The following ITGAE variants were observed in gnomAD, a reference collection of about 807,000 sequenced individuals.
ITGAE encodes integrin subunit alpha E.
ITGAE carries 99 observed loss-of-function variants against 136.5 expected under a neutral mutation model. The observed-to-expected ratio is 0.73, with a 90% CI of 0.62 to 0.86. ITGAE has a LOEUF of 0.86. Among genes scored for constraint, ITGAE ranks in the 40% least tolerant of loss-of-function variants. The pLI, the probability that ITGAE is intolerant of heterozygous loss-of-function variation, is 0.00. For missense variants in ITGAE, 1,447 were observed against 1,515.3 expected, an observed-to-expected ratio of 0.95 and a Z score of 0.75; for synonymous variants, 613 against 591.8, an observed-to-expected ratio of 1.04 and a Z score of -0.52.
At chr17:3,751,562 G>C in intron 15 of ITGAE, 88 bp downstream of exon 15, 1 of 1,241,908 alleles carries the variant, frequency 8.1e-7, no homozygotes, top group Middle Eastern at 2.6e-4. Context: ...CCAGCACTTA[G>C]GACTGAAGCC....
intron 1 of ITGAE, among the ~76,000 whole-genome samples, chr17:3,791,586 C>T (rs754336767): frequency 3.3e-5 from 5 of 152,120 alleles, no homozygotes; most frequent in Non-Finnish European, 7.4e-5. Flanking sequence ...CCCGGCCCTT[C>T]ATGTTCTTTA....
Position 3,757,779 on chromosome 17 carries a change from A to C in ITGAE, c.947T>G (p.Phe316Cys), listed in dbSNP as rs746512552. 4.3e-6 allele frequency: 7 copies of C among 1,614,100 alleles called. No individual in the cohort carries two copies. In the South Asian group the frequency reaches 6.6e-5, roughly 15 times the overall value. Residue 316 changes from phenylalanine to cysteine, a missense_variant, in exon 9 of 31, where the codon TTC becomes TGC. Physicochemically the swap from Phe to Cys is radical, Grantham distance 205 (BLOSUM62 -2). Around this residue, in one of 3 missense-constraint regions of ITGAE, gnomAD observed 310 missense variants for 416.1 expected, o/e 0.74. Coordinates refer to ENST00000263087, the MANE Select transcript of ITGAE (RefSeq NM_002208.5). ...VMVVLTDGGI[F>C]EDPLNLTTVI... Reference sequence around the variant, plus strand: ...TGTCGTAAGGTTGAGGGGGTCCTCGAATATGCCACCATCGGTGAGCACCAC... The same window carrying C: ...TGTCGTAAGGTTGAGGGGGTCCTCGCATATGCCACCATCGGTGAGCACCAC...
In ITGAE at chr17:3,723,730, G is replaced by T; in HGVS notation, c.3099C>A (p.Cys1033Ter). The change falls in exon 27 of 31, where the codon TGC (cysteine) becomes TGA (stop). Residue 1033 changes from cysteine to a stop codon, truncating the protein, a stop_gained. Coordinates refer to ENST00000263087, the MANE Select transcript of ITGAE (RefSeq NM_002208.5). LOFTEE classifies it high-confidence loss of function. ...KLTRTQASTV[C>*]TWSQERACAY... ...CACAAGCGCGCTCCTGACTCCAGGT[G>T]CACACCGTGGAGGCCTGAAACGAGA... is the stretch of plus-strand genomic sequence containing the variant. 1 of 1,606,574 alleles carries T rather than the reference G, an allele frequency of 6.2e-7. No individual in the cohort carries two copies. Among genetic ancestry groups the T allele is most frequent in the Non-Finnish European group, 8.5e-7 (1 of 1,176,670 alleles).
chr17:3,723,664 GC>G, intron 27 of ITGAE, 23 bp downstream of exon 27: 2 of 1,567,664 alleles, frequency 1.3e-6, no homozygotes, highest in South Asian at 2.3e-5. Context: ...CCCTCCCCTG[GC>G]CTCTCGGGAC....
At chr17:3,717,958 G>C (rs1001220369) in intron 29 of ITGAE, 2 of 152,190 alleles carry the variant, frequency 1.3e-5, no homozygotes, top group African/African-American at 2.4e-5. Context: ...GGCCAGATGT[G>C]AGTAGAAGAA....
At chr17:3,777,095 G>A (rs1223679044) in intron 2 of ITGAE, among the ~76,000 whole-genome samples, 1 of 151,924 alleles carries the variant, frequency 6.6e-6, no homozygotes, top group Non-Finnish European at 1.5e-5. Context: ...TGAGTAGCTG[G>A]GACTACAGGC....
chr17:3,800,170 C>T (rs1007096407), intron 1 of ITGAE, among the ~76,000 whole-genome samples: 7 of 152,288 alleles, frequency 4.6e-5, no homozygotes, highest in African/African-American at 7.2e-5. Flanking sequence ...TGTCCAAAAA[C>T]GTGTTCCTTG....
At position 3,720,322 on chromosome 17, in the gene ITGAE, C is replaced by A; in HGVS notation, c.3318G>T (p.Glu1106Asp). 6.4e-7 allele frequency: 1 copy of A among 1,566,908 alleles called. No individual in the cohort carries two copies. The highest frequency in any genetic ancestry group is 8.8e-7 in the Non-Finnish European group (1 of 1,137,076). Reference protein sequence around the residue: ...NKSLYEGLNAENHRTKITVVF... With the variant: ...NKSLYEGLNADNHRTKITVVF... The stretch of plus-strand genomic sequence containing the variant: ...CAGGAATTACCTTAGTTCTGTGGTT[C>A]TCTGCATTCAGTCCCTCATATAGAG... The change falls in exon 29 of 31, where the codon GAG becomes GAT. Residue 1106 changes from glutamate to aspartate, a missense_variant. By Grantham distance (45) the Glu-to-Asp change is conservative. Coordinates refer to ENST00000263087, the MANE Select transcript of ITGAE (RefSeq NM_002208.5).
At chr17:3,793,023 G>C (rs767288077) in intron 1 of ITGAE, among the ~76,000 whole-genome samples, 4 of 152,032 alleles carry the variant, frequency 2.6e-5, no homozygotes, top group Non-Finnish European at 4.4e-5. Flanking sequence ...TTCTTGTTTG[G>C]GGGTAATGGA....
intron 2 of ITGAE, among the ~76,000 whole-genome samples, chr17:3,776,304 C>T (rs1284359479): frequency 4.6e-5 from 7 of 151,720 alleles, no homozygotes; most frequent in African/African-American, 1.2e-4. Flanking sequence ...ATGATCCGCC[C>T]GCCTCGGCCT....
rs377316837 is a variant in ITGAE, at chr17:3,777,500, C to A, written c.155+40G>T. ...GGCCCATCTCAGATTGCCTGGAAGC[C>A]CCTCAGTCTGAAGGCCTCTTGCCCA... On this transcript the variant is annotated intron_variant, in intron 2 of 30. Transcript: ENST00000263087. The A allele has an allele frequency of 1.5e-5, 23 of 1,567,126 alleles. No individual in the cohort carries two copies. In the African/African-American group the frequency reaches 2.7e-4, roughly 19 times the overall value.
At position 3,723,520 on chromosome 17, in the gene ITGAE, G is replaced by C. The variant is rs546176209; in HGVS notation, c.3142-137C>G. 408 of 1,001,148 alleles carry C rather than the reference G, an allele frequency of 4.1e-4. 8 individuals carry two copies. The South Asian group carries it at 5.4e-3, about 13-fold the overall frequency. The allele number at this position is 1,001,148 out of a possible 1,614,324, so 62.0% of individuals were successfully genotyped here. On this transcript the variant is annotated intron_variant, in intron 27 of 30. Coordinates refer to ENST00000263087, the MANE Select transcript of ITGAE (RefSeq NM_002208.5). ...AATTTCAGCGCTCACCTCGGCCCAA[G>C]CGAAGCTCCAGCGGGAGCAATTGAG... is the stretch of plus-strand genomic sequence containing the variant.
chr17:3,720,886 TCTTCAA>T (rs1374194909), intron 28 of ITGAE, among the ~76,000 whole-genome samples: 2 of 152,054 alleles, frequency 1.3e-5, no homozygotes, highest in Admixed American at 6.6e-5. Context: ...CCTGGCCTTT[TCTTCAA>T]CTTCTTTTCC....
chr17:3,750,956 G>C (rs980098558), intron 15 of ITGAE, among the ~76,000 whole-genome samples: 3 of 151,480 alleles, frequency 2.0e-5, no homozygotes, highest in Non-Finnish European at 2.9e-5. Flanking sequence ...GCCTGAGCTG[G>C]GACCGCAGGG....
rs531899861 is a variant in ITGAE at position 3,780,043 on chromosome 17, G to A, written c.35-2383C>T. On this transcript the variant is annotated intron_variant, in intron 1 of 30. Transcript: ENST00000263087. ...GGCTGGAGTGCAGTGGCACGATCTC[G>A]GCTCACCGCAACCTCTGCCTCCCAG... Among the ~76,000 whole-genome samples the A allele has an allele frequency of 1.5e-3, 228 of 152,094 alleles. 2 individuals carry two copies. Among genetic ancestry groups the A allele is most frequent in the Non-Finnish European group, 2.4e-3 (164 of 67,980 alleles).
chr17:3,744,588 G>A (rs1025822840), intron 18 of ITGAE, among the ~76,000 whole-genome samples: 1 of 151,970 alleles, frequency 6.6e-6, no homozygotes, highest in African/African-American at 2.4e-5. Flanking sequence ...GGGACTACAG[G>A]TGCATGCCAC....
intron 10 of ITGAE, among the ~76,000 whole-genome samples, chr17:3,756,224 CTTTTTTTTTTT>C (rs398041526): frequency 1.1e-5 from 1 of 95,028 alleles, no homozygotes; most frequent in Non-Finnish European, 2.1e-5. Flanking sequence ...TATTGTTGGC[CTTTTTTTTTTT>C]TTTTTTTTTT....
intron 20 of ITGAE, among the ~76,000 whole-genome samples, chr17:3,735,386 C>A (rs1440776708): frequency 1.3e-5 from 2 of 152,186 alleles, no homozygotes; most frequent in African/African-American, 4.8e-5. Flanking sequence ...AGGCTGGTCT[C>A]GAACTCCTGA....
chr17:3,723,888 C>A (rs370893681), intron 26 of ITGAE, 144 bp from the exon 27 acceptor site: 25 of 1,524,606 alleles, frequency 1.6e-5, no homozygotes, highest in Middle Eastern at 2.2e-4. Flanking sequence ...CCGCGTCGCA[C>A]GGAAGTCTCG....
Sources: gnomAD v4.1 joint callset for allele counts (sites outside exome capture counted in the v4.1 genomes callset) on GRCh38, gnomAD v4.1.1 for gene constraint, gnomAD v4.1.1 regional missense constraint, MANE v1.5 for transcripts, NCBI Gene and HGNC (gene_info 2026-07-23, HGNC 2026-07-21) for gene names.